The following MEIS2 variants were observed in gnomAD, a reference collection of about 807,000 sequenced individuals.
The protein encoded by MEIS2 is homeobox protein Meis2.
A neutral mutation model predicts 58.6 loss-of-function variants in MEIS2; 9 were observed. The observed-to-expected ratio is 0.15, with a 90% confidence interval of 0.09 to 0.27. The LOEUF is 0.27. Ranked by LOEUF, MEIS2 falls within the 10% of genes least tolerant of loss-of-function variation. The probability of loss-of-function intolerance (pLI) is 1.00; values close to 1 mark genes in which losing one functional copy is unlikely to be tolerated. For synonymous variants in MEIS2, 221 were observed against 228.4 expected (o/e 0.97, Z 0.29); for missense variants, 427 against 635.0 (o/e 0.67, Z 3.52).
At chr15:36,970,343 G>A (rs2059502056) in intron 8 of MEIS2, among the ~76,000 whole-genome samples, 1 of 151,554 alleles carries the variant, frequency 6.6e-6, no homozygotes, top group African/African-American at 2.4e-5. Flanking sequence ...GGCGGAGCTT[G>A]CAGTGAGCCG....
At chr15:36,915,633 C>T (rs187093550) in intron 9 of MEIS2, among the ~76,000 whole-genome samples, 33 of 152,282 alleles carry the variant, frequency 2.2e-4, no homozygotes, top group Non-Finnish European at 4.0e-4. Flanking sequence ...CTGCTCAGTG[C>T]CCAACCCACT....
chr15:36,950,273 G>A (rs775212880), intron 9 of MEIS2, 51 bp downstream of exon 9: 1 of 1,342,472 alleles, frequency 7.4e-7, no homozygotes, highest in South Asian at 1.3e-5. Flanking sequence ...CCATTATTTA[G>A]AAATCTCATT....
At chr15:36,987,999 C>A (rs2060147672) in intron 8 of MEIS2, among the ~76,000 whole-genome samples, 1 of 152,116 alleles carries the variant, frequency 6.6e-6, no homozygotes, top group African/African-American at 2.4e-5. Flanking sequence ...ATTTTAGACT[C>A]TTAAAAATGC....
At chr15:37,006,498 T>C (rs987588628) in intron 8 of MEIS2, among the ~76,000 whole-genome samples, 1 of 152,240 alleles carries the variant, frequency 6.6e-6, no homozygotes, top group Non-Finnish European at 1.5e-5. Flanking sequence ...CTATAAACTA[T>C]ATTGTTCACC....
intron 11 of MEIS2, chr15:36,894,901 C>A: frequency 8.7e-7 from 1 of 1,143,848 alleles, no homozygotes. Context: ...TTCCTTTTCA[C>A]TTATTGCCTT....
At chr15:36,966,597 A>T (rs180868291) in intron 8 of MEIS2, among the ~76,000 whole-genome samples, 2 of 152,150 alleles carry the variant, frequency 1.3e-5, no homozygotes, top group Non-Finnish European at 2.9e-5. Flanking sequence ...TAGAGTTCTT[A>T]TGAGGTTTAA....
chr15:36,965,235 T>A (rs942598937), intron 8 of MEIS2, among the ~76,000 whole-genome samples: 1 of 152,196 alleles, frequency 6.6e-6, no homozygotes, highest in Non-Finnish European at 1.5e-5. Flanking sequence ...TATGAAAACA[T>A]TGGTGATGTT....
At chr15:37,044,369 A>G (rs1173918284) in intron 7 of MEIS2, among the ~76,000 whole-genome samples, 3 of 152,178 alleles carry the variant, frequency 2.0e-5, no homozygotes, top group Non-Finnish European at 4.4e-5. Flanking sequence ...ATTAAATATG[A>G]ACCGAGAAAC....
intron 8 of MEIS2, among the ~76,000 whole-genome samples, chr15:37,029,174 G>A (rs1449401562): frequency 6.6e-6 from 1 of 152,144 alleles, no homozygotes; most frequent in Non-Finnish European, 1.5e-5. Flanking sequence ...AAGGCTAGGG[G>A]CGGCCCCACT....
chr15:37,016,024 A>G (rs191041310), intron 8 of MEIS2, among the ~76,000 whole-genome samples: 2 of 152,182 alleles, frequency 1.3e-5, no homozygotes, highest in Non-Finnish European at 2.9e-5. Context: ...TTCCCCAACC[A>G]TTGGTAAAAA....
chr15:37,079,261 A>G (rs1451849370), intron 7 of MEIS2, among the ~76,000 whole-genome samples: 1 of 152,178 alleles, frequency 6.6e-6, no homozygotes, highest in Non-Finnish European at 1.5e-5. Context: ...AGGAAAAAAA[A>G]TGTCATTGTA....
chr15:36,911,960 G>C (rs892769251), intron 9 of MEIS2, among the ~76,000 whole-genome samples: 1 of 152,218 alleles, frequency 6.6e-6, no homozygotes, highest in Non-Finnish European at 1.5e-5. Flanking sequence ...GCAGAAGTAA[G>C]CAGTACAGGA....
At chr15:37,033,361 G>A (rs887520128) in intron 8 of MEIS2, among the ~76,000 whole-genome samples, 2 of 152,086 alleles carry the variant, frequency 1.3e-5, no homozygotes, top group Admixed American at 1.3e-4. Flanking sequence ...GCAAAGCCTT[G>A]GCAGCCCCCT....
At chr15:36,965,410 G>T (rs1002477816) in intron 8 of MEIS2, among the ~76,000 whole-genome samples, 10 of 152,114 alleles carry the variant, frequency 6.6e-5, no homozygotes, top group Admixed American at 5.9e-4. Context: ...AATTTCTAAG[G>T]TATTTTAGTT....
intron 8 of MEIS2, among the ~76,000 whole-genome samples, chr15:37,011,783 C>T (rs1427500373): frequency 6.6e-6 from 1 of 151,700 alleles, no homozygotes; most frequent in African/African-American, 2.4e-5. Flanking sequence ...CCACACCTGG[C>T]TAATTTTTGT....
At chr15:37,020,696 A>G (rs1305846645) in intron 8 of MEIS2, among the ~76,000 whole-genome samples, 2 of 144,078 alleles carry the variant, frequency 1.4e-5, no homozygotes, top group African/African-American at 2.5e-5. Context: ...TTTTAATCTC[A>G]CCACAACCTA....
At chr15:37,021,621 A>T (rs1452719094) in intron 8 of MEIS2, among the ~76,000 whole-genome samples, 2 of 152,228 alleles carry the variant, frequency 1.3e-5, no homozygotes, top group Non-Finnish European at 2.9e-5. Flanking sequence ...CTTATTCTGC[A>T]CCTGGACTTG....
At chr15:37,060,287 G>A (rs1889033179) in intron 7 of MEIS2, among the ~76,000 whole-genome samples, 1 of 152,066 alleles carries the variant, frequency 6.6e-6, no homozygotes, top group East Asian at 1.9e-4. Flanking sequence ...CCACCTTTTA[G>A]CTACCTTGGA....
At chr15:36,982,125 A>C (rs1343835451) in intron 8 of MEIS2, among the ~76,000 whole-genome samples, 1 of 152,140 alleles carries the variant, frequency 6.6e-6, no homozygotes, top group African/African-American at 2.4e-5. Flanking sequence ...GCCAATTCAC[A>C]CAATAAATTT....
Sources: allele counts gnomAD v4.1 joint callset (sites outside exome capture counted in the v4.1 genomes callset), GRCh38; gene constraint gnomAD v4.1.1; transcripts MANE v1.5; gene names NCBI Gene and HGNC (gene_info 2026-07-23, HGNC 2026-07-21).